MSI2: variants seen among roughly 807,000 people sequenced by gnomAD.
The protein encoded by MSI2 is musashi RNA binding protein 2, also known as RNA-binding protein Musashi homolog 2.
MSI2 carries 17 observed loss-of-function variants against 45.6 expected under a neutral mutation model. The ratio of observed to expected loss-of-function variants is 0.37; its 90% CI spans 0.26 to 0.56. The LOEUF is 0.56. Ranked by LOEUF, MSI2 falls within the 20% of genes least tolerant of loss-of-function variation. The pLI is 0.77. For synonymous variants in MSI2, 156 were observed against 158.2 expected, an observed-to-expected ratio of 0.99 and a Z score of 0.11; for missense variants, 293 against 444.2, an observed-to-expected ratio of 0.66 and a Z score of 3.06.
intron 5 of MSI2, among the ~76,000 whole-genome samples, chr17:57,322,495 G>A (rs915246564): frequency 1.4e-4 from 22 of 152,046 alleles, no homozygotes; most frequent in Non-Finnish European, 4.4e-5. Context: ...GGGAGTGAGA[G>A]GGCAGAATAA....
At chr17:57,484,635 T>C (rs1345340067) in intron 6 of MSI2, among the ~76,000 whole-genome samples, 1 of 152,220 alleles carries the variant, frequency 6.6e-6, no homozygotes. Context: ...TGAAGAAAGC[T>C]GAGGCTTCTC....
chr17:57,431,630 C>A (rs1015919864), intron 6 of MSI2, among the ~76,000 whole-genome samples: 1 of 152,178 alleles, frequency 6.6e-6, no homozygotes, highest in African/African-American at 2.4e-5. Context: ...CTTCCTGCCA[C>A]CCCTGGAGCT....
chr17:57,554,338 G>T (rs769731719), intron 7 of MSI2, among the ~76,000 whole-genome samples: 8 of 152,118 alleles, frequency 5.3e-5, no homozygotes, highest in Non-Finnish European at 7.3e-5. Context: ...TTACTAGAGA[G>T]CCTTGTTACT....
At chr17:57,694,797 T>TG in the MSI2 span, among the ~76,000 whole-genome samples, 1 of 152,238 alleles carries the variant, frequency 6.6e-6, no homozygotes, top group Non-Finnish European at 1.5e-5. Flanking sequence ...CTCCCTGGCT[T>TG]GATAGGTTAA....
At position 57,401,591 on chromosome 17, in the gene MSI2, C is replaced by G. The variant is rs565916038; in HGVS notation, c.405+120C>G. 14 of 725,372 alleles carry G rather than the reference C, an allele frequency of 1.9e-5. No homozygotes were observed. The African/African-American group carries it at 2.0e-4, about 10-fold the overall frequency. 44.9% of individuals were successfully genotyped at this position (725,372 alleles called of 1,614,324 possible). On this transcript the variant is annotated intron_variant, in intron 6 of 13. Coordinates refer to ENST00000284073, the MANE Select transcript of MSI2 (RefSeq NM_138962.4). Reference sequence around the variant, plus strand: ...GTCCTCAAGAACCTTGTCCTTGAACCTGGCCATCATGATTTAAGTGAAATT... The same window carrying G: ...GTCCTCAAGAACCTTGTCCTTGAACGTGGCCATCATGATTTAAGTGAAATT...
At chr17:57,325,605 T>C (rs546725152) in intron 5 of MSI2, among the ~76,000 whole-genome samples, 86 of 152,316 alleles carry the variant, frequency 5.6e-4, no homozygotes, top group Non-Finnish European at 9.6e-4. Context: ...CCACTGGGTG[T>C]GCAGCGGCTA....
chr17:57,323,343 T>C (rs994548226), intron 5 of MSI2, among the ~76,000 whole-genome samples: 1 of 152,234 alleles, frequency 6.6e-6, no homozygotes, highest in Non-Finnish European at 1.5e-5. Context: ...GAGTCCGTTT[T>C]CCCATGGACT....
Position 57,596,824 on chromosome 17 carries a change from C to A in MSI2, c.455-44C>A. Reference sequence around the variant, plus strand: ...AACCTGGGCCTGCCAGAACTGAACTCACCCCGCCTCTCTTTGTTTTTTCTT... The same window carrying A: ...AACCTGGGCCTGCCAGAACTGAACTAACCCCGCCTCTCTTTGTTTTTTCTT... On this transcript the variant is annotated intron_variant, in intron 7 of 13. Coordinates refer to ENST00000284073, the MANE Select transcript of MSI2 (RefSeq NM_138962.4). The surrounding 1 kb of genome is among the most constrained non-coding windows in gnomAD (Gnocchi z 4.6). 1 of 1,444,884 alleles carries A rather than the reference C, an allele frequency of 6.9e-7. No individual in the cohort carries two copies. The highest frequency in any genetic ancestry group is 9.7e-7 in the Non-Finnish European group (1 of 1,029,164). The allele number at this position is 1,444,884 out of a possible 1,614,324, so 89.5% of individuals were successfully genotyped here.
At chr17:57,463,885 C>T (rs2085278841) in intron 6 of MSI2, among the ~76,000 whole-genome samples, 1 of 152,136 alleles carries the variant, frequency 6.6e-6, no homozygotes, top group Non-Finnish European at 1.5e-5. Flanking sequence ...TTTCTGGATC[C>T]TTAGACTGGA....
At chr17:57,467,331 G>GA (rs1446476042) in intron 6 of MSI2, among the ~76,000 whole-genome samples, 3 of 152,088 alleles carry the variant, frequency 2.0e-5, no homozygotes, top group Non-Finnish European at 4.4e-5. Context: ...TGGATGGATG[G>GA]AAAAAAGGAA....
At chr17:57,615,924 C>T (rs1174670186) in intron 8 of MSI2, 46 bp from the exon 9 acceptor site, 8 of 1,415,772 alleles carry the variant, frequency 5.7e-6, no homozygotes, top group East Asian at 2.3e-5. Flanking sequence ...TTGACATTTA[C>T]GTGGAATTCA....
intron 5 of MSI2, among the ~76,000 whole-genome samples, chr17:57,351,848 G>C (rs923286851): frequency 2.6e-5 from 4 of 152,126 alleles, no homozygotes; most frequent in Admixed American, 6.5e-5. Context: ...GAGTGAGACT[G>C]TGTCACACAC....
intron 6 of MSI2, among the ~76,000 whole-genome samples, chr17:57,492,915 T>TGGAA (rs1203837174): frequency 6.6e-6 from 1 of 152,174 alleles, no homozygotes; most frequent in Non-Finnish European, 1.5e-5. Flanking sequence ...CAGTCTTTTG[T>TGGAA]GGAATATCTT....
intron 6 of MSI2, among the ~76,000 whole-genome samples, chr17:57,455,632 G>T (rs191641422): frequency 6.6e-6 from 1 of 152,258 alleles, no homozygotes; most frequent in African/African-American, 2.4e-5. Flanking sequence ...AAACAGAGAT[G>T]TTCTTGAGAG....
At chr17:57,376,011 C>T (rs572964010) in intron 5 of MSI2, among the ~76,000 whole-genome samples, 21 of 152,176 alleles carry the variant, frequency 1.4e-4, no homozygotes, top group Non-Finnish European at 2.6e-4. Flanking sequence ...GTTCCCTTAT[C>T]TTCCTGAGAG....
At chr17:57,634,975 C>G (rs548018038) in intron 10 of MSI2, among the ~76,000 whole-genome samples, 1 of 152,368 alleles carries the variant, frequency 6.6e-6, no homozygotes, top group Non-Finnish European at 1.5e-5. Flanking sequence ...GTCACATGAC[C>G]AGTTTCAGCT....
At chr17:57,528,848 A>G (rs2086759660) in intron 6 of MSI2, among the ~76,000 whole-genome samples, 1 of 152,164 alleles carries the variant, frequency 6.6e-6, no homozygotes, top group African/African-American at 2.4e-5. Context: ...GGGGGTTAGG[A>G]CTTCAACTAT....
intron 4 of MSI2, among the ~76,000 whole-genome samples, chr17:57,260,807 G>A (rs1328883836): frequency 1.3e-5 from 2 of 152,116 alleles, no homozygotes; most frequent in Non-Finnish European, 2.9e-5. Context: ...ATCCTCATAT[G>A]TCTTTCTGGC....
At chr17:57,672,481 C>T (rs780124319) in intron 11 of MSI2, among the ~76,000 whole-genome samples, 21 of 152,132 alleles carry the variant, frequency 1.4e-4, no homozygotes, top group South Asian at 4.2e-4. Context: ...ATCCTGTCTC[C>T]GAGGCTGCTT....
Sources: gnomAD v4.1 joint callset for allele counts (sites outside exome capture counted in the v4.1 genomes callset) on GRCh38, gnomAD v4.1.1 for gene constraint, Gnocchi (gnomAD v3.1) non-coding constraint, MANE v1.5 for transcripts, NCBI Gene and HGNC (gene_info 2026-07-23, HGNC 2026-07-21) for gene names.